RNF220: variants seen among roughly 807,000 people sequenced by gnomAD.
The protein encoded by RNF220 is ring finger protein 220, also known as E3 ubiquitin-protein ligase RNF220.
RNF220 carries 7 observed loss-of-function variants against 67.1 expected under a neutral mutation model. The observed-to-expected ratio is 0.10, with a 90% CI of 0.06 to 0.20. The LOEUF is 0.20. Among genes scored for constraint, RNF220 ranks in the 10% least tolerant of loss-of-function variants. The pLI, the probability that RNF220 is intolerant of heterozygous loss-of-function variation, is 1.00. For synonymous variants in RNF220, 270 were observed against 283.2 expected, an observed-to-expected ratio of 0.95 and a Z score of 0.47; for missense variants, 565 against 740.3, an observed-to-expected ratio of 0.76 and a Z score of 2.75.
chr1:44,476,495 C>T (rs1655311224), intron 2 of RNF220, among the ~76,000 whole-genome samples: 1 of 152,142 alleles, frequency 6.6e-6, no homozygotes, highest in Non-Finnish European at 1.5e-5. Flanking sequence ...GTAGTTGTAC[C>T]GGGATCCATG....
intron 2 of RNF220, among the ~76,000 whole-genome samples, chr1:44,463,346 AAAAG>A (rs1461422368): frequency 2.0e-5 from 3 of 150,372 alleles, no homozygotes; most frequent in African/African-American, 4.9e-5. Context: ...AAAAAAAAAA[AAAAG>A]AAAGAAAGAA....
chr1:44,592,835 C>T (rs1666213547), intron 2 of RNF220, among the ~76,000 whole-genome samples: 1 of 152,176 alleles, frequency 6.6e-6, no homozygotes, highest in South Asian at 2.1e-4. Context: ...TTCTGCCCTC[C>T]CAGCTCTTTG....
intron 2 of RNF220, among the ~76,000 whole-genome samples, chr1:44,457,285 A>T (rs1397868235): frequency 1.3e-5 from 2 of 152,250 alleles, no homozygotes; most frequent in African/African-American, 4.8e-5. Flanking sequence ...ATAGGGAAAC[A>T]TCATTTTATA....
intron 2 of RNF220, among the ~76,000 whole-genome samples, chr1:44,569,218 G>A (rs755900178): frequency 2.8e-4 from 43 of 152,082 alleles, no homozygotes; most frequent in South Asian, 1.0e-3. Flanking sequence ...CTCTCTCCCC[G>A]CCCCACTATC....
At chr1:44,516,968 C>T (rs1291342076) in intron 2 of RNF220, among the ~76,000 whole-genome samples, 1 of 152,110 alleles carries the variant, frequency 6.6e-6, no homozygotes, top group African/African-American at 2.4e-5. Context: ...TCCCTCTCCC[C>T]TTTTCCCATG....
At chr1:44,439,705 C>T (rs561710333) in intron 2 of RNF220, among the ~76,000 whole-genome samples, 16 of 151,850 alleles carry the variant, frequency 1.1e-4, no homozygotes, top group Non-Finnish European at 2.4e-4. Flanking sequence ...CTAATGAATC[C>T]CTAAAGCTAT....
At chr1:44,445,519 C>G (rs78952114) in intron 2 of RNF220, among the ~76,000 whole-genome samples, 2,652 of 152,112 alleles carry the variant, frequency 0.017, 86 homozygotes, top group African/African-American at 0.059. Flanking sequence ...ACTCCCTCCC[C>G]CTTCTTTACT....
intron 2 of RNF220, among the ~76,000 whole-genome samples, chr1:44,554,355 A>C (rs944694528): frequency 6.6e-6 from 1 of 152,034 alleles, no homozygotes; most frequent in Non-Finnish European, 1.5e-5. Flanking sequence ...AATGCTTGCC[A>C]CTGCTTAGGA....
chr1:44,436,979 T>A (rs184646699), intron 2 of RNF220, among the ~76,000 whole-genome samples: 1 of 152,196 alleles, frequency 6.6e-6, no homozygotes, highest in African/African-American at 2.4e-5. Context: ...GCAACACTTA[T>A]GTCCCCCAGT....
At chr1:44,408,146 C>G (rs1209366172) in intron 1 of RNF220, among the ~76,000 whole-genome samples, 1 of 152,198 alleles carries the variant, frequency 6.6e-6, no homozygotes, top group Non-Finnish European at 1.5e-5. Flanking sequence ...TTCGCCTTCA[C>G]CTCTTCTTCC....
intron 2 of RNF220, among the ~76,000 whole-genome samples, chr1:44,426,831 G>T (rs72893855): frequency 6.6e-6 from 1 of 152,020 alleles, no homozygotes; most frequent in Non-Finnish European, 1.5e-5. Context: ...TCATTAACAA[G>T]ATCTTAATTA....
At chr1:44,481,303 T>C (rs1343261417) in intron 2 of RNF220, among the ~76,000 whole-genome samples, 1 of 151,946 alleles carries the variant, frequency 6.6e-6, no homozygotes, top group African/African-American at 2.4e-5. Context: ...CGTGCACCTG[T>C]AGTCCCAGCT....
chr1:44,551,119 C>CTT (rs386366846), intron 2 of RNF220, among the ~76,000 whole-genome samples: 2,781 of 97,418 alleles, frequency 0.029, 215 homozygotes, highest in African/African-American at 0.054. Context: ...CACTTCTTGC[C>CTT]TTTTTTTTTT....
chr1:44,558,659 AACC>A (rs1663314545), intron 2 of RNF220, among the ~76,000 whole-genome samples: 1 of 152,174 alleles, frequency 6.6e-6, no homozygotes, highest in Non-Finnish European at 1.5e-5. Flanking sequence ...GAGGTTAAAC[AACC>A]TCCCCCAAGA....
At chr1:44,588,831 T>G (rs1665901340) in intron 2 of RNF220, among the ~76,000 whole-genome samples, 1 of 152,184 alleles carries the variant, frequency 6.6e-6, no homozygotes, top group African/African-American at 2.4e-5. Flanking sequence ...CTACCGAGGC[T>G]GGGGTGGACT....
chr1:44,484,101 C>T (rs767000898), intron 2 of RNF220, among the ~76,000 whole-genome samples: 2 of 152,106 alleles, frequency 1.3e-5, no homozygotes, highest in Non-Finnish European at 2.9e-5. Context: ...GTCGAGGCAT[C>T]TCATTTTCAG....
At chr1:44,424,021 C>G in intron 2 of RNF220, 2 of 985,370 alleles carry the variant, frequency 2.0e-6, no homozygotes, top group South Asian at 4.7e-5. Flanking sequence ...CATCATCGCT[C>G]TACATCCACG....
At chr1:44,469,754 A>G (rs940619522) in intron 2 of RNF220, among the ~76,000 whole-genome samples, 2 of 152,198 alleles carry the variant, frequency 1.3e-5, no homozygotes, top group African/African-American at 4.8e-5. Context: ...GCAAAGTTGA[A>G]CTGATTAGGA....
chr1:44,507,819 T>C (rs1191897974), intron 2 of RNF220, among the ~76,000 whole-genome samples: 1 of 152,154 alleles, frequency 6.6e-6, no homozygotes, highest in African/African-American at 2.4e-5. Flanking sequence ...AGCATTGTTC[T>C]CTGGCCAGGG....
Sources: allele counts gnomAD v4.1 joint callset (sites outside exome capture counted in the v4.1 genomes callset), GRCh38; gene constraint gnomAD v4.1.1; transcripts MANE v1.5; gene names NCBI Gene and HGNC (gene_info 2026-07-23, HGNC 2026-07-21).